Variants in BRD9 observed in about 807,000 individuals in gnomAD.
BRD9 encodes bromodomain-containing protein 9.
In BRD9, 47 loss-of-function variants were observed where a neutral mutation model predicts 68.7. That is an observed-to-expected ratio of 0.68 (90% confidence interval 0.54 to 0.87). The LOEUF (loss-of-function observed/expected upper bound fraction) is 0.87. Ranked by LOEUF, BRD9 falls within the 40% of genes least tolerant of loss-of-function variation. BRD9 has a pLI of 0.00. For synonymous variants in BRD9, 313 were observed against 293.9 expected (o/e 1.06, Z -0.67); for missense variants, 670 against 748.4 (o/e 0.90, Z 1.22).
At chr5:872,982 T>C (rs548980245) in intron 12 of BRD9, among the ~76,000 whole-genome samples, 2 of 152,252 alleles carry the variant, frequency 1.3e-5, no homozygotes, top group East Asian at 3.9e-4. Context: ...CTGGCCAACA[T>C]GGCGAAACTC....
At chr5:864,671 C>G in intron 15 of BRD9, 103 bp from the exon 16 acceptor site, 1 of 912,874 alleles carries the variant, frequency 1.1e-6, no homozygotes, top group Non-Finnish European at 1.7e-6. Context: ...CGCCAGGGCT[C>G]AGGGACTCCC....
chr5:890,301 C>T (rs1753170754), intron 3 of BRD9, among the ~76,000 whole-genome samples: 1 of 152,036 alleles, frequency 6.6e-6, no homozygotes, highest in Non-Finnish European at 1.5e-5. Context: ...AGGCCTCAGA[C>T]AGTTTCTGAC....
intron 14 of BRD9, among the ~76,000 whole-genome samples, chr5:869,863 A>G (rs1749885130): frequency 6.6e-6 from 1 of 152,208 alleles, no homozygotes; most frequent in Non-Finnish European, 1.5e-5. Flanking sequence ...CCTAAAACAT[A>G]TCAAAACAAG....
At chr5:871,452 C>T (rs1750115135) in intron 13 of BRD9, 74 bp downstream of exon 13, 1 of 1,377,102 alleles carries the variant, frequency 7.3e-7, no homozygotes. Context: ...ACAGACCTCC[C>T]CACCTCAAAG....
rs1302262924 is a variant in BRD9, at chr5:878,571, G to A, written c.1139-84C>T. The A allele has an allele frequency of 1.4e-5, 22 of 1,582,582 alleles. No homozygotes were observed. In the African/African-American group the frequency reaches 2.6e-4, roughly 18 times the overall value. On this transcript the variant is annotated intron_variant, in intron 10 of 15. Coordinates refer to ENST00000467963, the MANE Select transcript of BRD9 (RefSeq NM_023924.5). The stretch of plus-strand genomic sequence containing the variant: ...CCACCCCGCTTCTCCAGGGGCTGAG[G>A]GACCGCCTGGCTGGCAGCCAGCACC...
At chr5:870,302 G>A in intron 14 of BRD9, 171 bp downstream of exon 14, 1 of 597,682 alleles carries the variant, frequency 1.7e-6, no homozygotes, top group Non-Finnish European at 3.0e-6. Flanking sequence ...GAGATTCCAA[G>A]GATTTTAGGA....
chr5:864,411 T>A lies in BRD9; in HGVS notation c.*57A>T, dbSNP rs1749035196. 1 of 1,430,264 alleles carries A rather than the reference T, an allele frequency of 7.0e-7. No individual in the cohort carries two copies. The allele number at this position is 1,430,264 out of a possible 1,614,324, so 88.6% of individuals were successfully genotyped here. On this transcript the variant is annotated 3_prime_UTR_variant, in exon 16 of 16. Coordinates refer to ENST00000467963, the MANE Select transcript of BRD9 (RefSeq NM_023924.5). ...AGTCCTTGTCTGATGACAAAAACTC[T>A]ACACGTGCAAAATAAAACTAAAAAA...
chr5:884,104 C>G, intron 7 of BRD9, 34 bp from the exon 8 acceptor site: 1 of 1,604,174 alleles, frequency 6.2e-7, no homozygotes, highest in Non-Finnish European at 8.5e-7. Flanking sequence ...CACCTGGAGG[C>G]AGCGTCCCCA....
rs745771332 is a variant in BRD9 at position 865,510 on chromosome 5, C to G, written c.1597G>C (p.Asp533His). The G allele has an allele frequency of 1.2e-6, 2 of 1,608,254 alleles. No homozygotes were observed. The highest frequency in any genetic ancestry group is 1.7e-6 in the Non-Finnish European group (2 of 1,179,200). Residue 533 changes from aspartate to histidine, a missense_variant, in exon 15 of 16, where the codon GAC (aspartate) becomes CAC (histidine). By Grantham distance (81) the Asp-to-His change is moderately conservative. Around this residue, in one of 5 missense-constraint regions of BRD9, gnomAD observed 280 missense variants for 281.5 expected, o/e 0.99. Coordinates refer to ENST00000467963, the MANE Select transcript of BRD9 (RefSeq NM_023924.5). The part of the protein sequence containing the change: ...NLDETTKLLQ[D>H]LHEAQAERGG... ...CGCTCCGCCTGTGCTTCGTGCAGGT[C>G]CTGCAGGAGCTTCGTCGTCTCATCC... is the stretch of plus-strand genomic sequence containing the variant.
intron 1 of BRD9, 74 bp from the exon 2 acceptor site, chr5:891,928 T>C: frequency 6.5e-7 from 1 of 1,531,724 alleles, no homozygotes; most frequent in South Asian, 1.2e-5. Context: ...GACGTGAAGG[T>C]GCTAAGAGGG....
Position 876,112 on chromosome 5 carries a change from G to A in BRD9, c.1372C>T (p.Gln458Ter), listed in dbSNP as rs751836022. 6.2e-7 allele frequency: 1 copy of A among 1,611,988 alleles called. No individual in the cohort carries two copies. The change falls in exon 12 of 16, where the codon CAG becomes TAG. Residue 458 changes from glutamine to a stop codon, truncating the protein, a stop_gained. Coordinates refer to ENST00000467963, the MANE Select transcript of BRD9 (RefSeq NM_023924.5). LOFTEE classifies it high-confidence loss of function. ...TGGDHSRTLF[Q>*]LKQRRNVPMK... The stretch of plus-strand genomic sequence containing the variant: ...CGAGTGCAGCCCACCTGCTTCAGCT[G>A]GAAGAGCGTCCTAGAGTGGTCTCCG...
Position 891,922 on chromosome 5 carries a change from T to G in BRD9, c.53-68A>C, listed in dbSNP as rs141761075. ...AAACGCCACGCAGCCAGGTGAGACG[T>G]GAAGGTGCTAAGAGGGAAAGGCCTC... On this transcript the variant is annotated intron_variant, in intron 1 of 15. Coordinates refer to ENST00000467963, the MANE Select transcript of BRD9 (RefSeq NM_023924.5). 1,762 of 1,537,728 alleles carry G rather than the reference T, an allele frequency of 1.1e-3. 6 individuals are homozygous for G. The Middle Eastern group carries it at 0.024, about 21-fold the overall frequency.
chr5:866,205 CCA>C (rs1749360053), intron 14 of BRD9: 1 of 152,250 alleles, frequency 6.6e-6, no homozygotes, highest in African/African-American at 2.4e-5. Flanking sequence ...GGGGAAGGTC[CCA>C]CAGAGTCTAA....
In BRD9 at chr5:863,818, A is replaced by G. The variant is rs952266059; in HGVS notation, c.*650T>C. On this transcript the variant is annotated 3_prime_UTR_variant, in exon 16 of 16. Transcript: ENST00000467963. ...CAGAACACACTCCTTTCCCAGGCTC[A>G]TCAATTAAACAGAAAACAGGGGAGC... is the stretch of plus-strand genomic sequence containing the variant. 2 of 152,324 alleles carry G rather than the reference A, an allele frequency of 1.3e-5. No individual in the cohort carries two copies. Among genetic ancestry groups the G allele is most frequent in the Non-Finnish European group, 2.9e-5 (2 of 68,108 alleles). 9.4% of individuals were successfully genotyped at this position (152,324 alleles called of 1,614,324 possible). A position where few individuals can be genotyped will look rare whatever the true frequency, so the allele number is the denominator to read the frequency against.
At chr5:872,555 G>A (rs1020149800) in intron 12 of BRD9, among the ~76,000 whole-genome samples, 1 of 152,164 alleles carries the variant, frequency 6.6e-6, no homozygotes, top group African/African-American at 2.4e-5. Context: ...TGCAGGCCAC[G>A]ACACGGGAGG....
At chr5:891,524 C>G (rs1009793399) in intron 2 of BRD9, 116 bp downstream of exon 2, 8 of 1,446,756 alleles carry the variant, frequency 5.5e-6, no homozygotes, top group East Asian at 2.5e-5. Flanking sequence ...TTGCTACCAA[C>G]GGAACACCCC....
chr5:868,000 G>C (rs572285363), intron 14 of BRD9, among the ~76,000 whole-genome samples: 1 of 152,200 alleles, frequency 6.6e-6, no homozygotes, highest in Admixed American at 6.5e-5. Context: ...ATGTTGAATT[G>C]TAATTCCCAA....
intron 12 of BRD9, among the ~76,000 whole-genome samples, 160 bp downstream of exon 12, chr5:875,941 C>T (rs954083084): frequency 2.0e-5 from 3 of 152,208 alleles, no homozygotes; most frequent in Non-Finnish European, 4.4e-5. Context: ...CCGGGGGACA[C>T]CTGCCCGTGC....
intron 7 of BRD9, among the ~76,000 whole-genome samples, chr5:885,938 T>A (rs953468633): frequency 6.6e-6 from 1 of 152,126 alleles, no homozygotes; most frequent in Non-Finnish European, 1.5e-5. Flanking sequence ...TCAGCCACCA[T>A]GAGACAAAGA....
Sources: gnomAD v4.1 joint callset for allele counts (sites outside exome capture counted in the v4.1 genomes callset) on GRCh38, gnomAD v4.1.1 for gene constraint, gnomAD v4.1.1 regional missense constraint, MANE v1.5 for transcripts, NCBI Gene and HGNC (gene_info 2026-07-23, HGNC 2026-07-21) for gene names.